ZNF236: variants seen among roughly 807,000 people sequenced by gnomAD.
ZNF236 encodes the protein regulated by glucose.
Under a neutral mutation model 191.2 loss-of-function variants are expected in ZNF236, and 50 were observed. The observed-to-expected ratio is 0.26, with a 90% CI of 0.21 to 0.33. The LOEUF (loss-of-function observed/expected upper bound fraction) is 0.33. Ranked by LOEUF, ZNF236 falls within the 10% of genes least tolerant of loss-of-function variation. ZNF236 has a pLI of 1.00. For missense variants in ZNF236, 1,754 were observed against 2,374.5 expected (o/e 0.74, Z 5.43); for synonymous variants, 907 against 928.8 (o/e 0.98, Z 0.43).
intron 2 of ZNF236, among the ~76,000 whole-genome samples, chr18:76,851,499 T>C (rs753791433): frequency 5.3e-5 from 8 of 152,342 alleles, no homozygotes; most frequent in African/African-American, 7.2e-5. Context: ...CAAACACTTA[T>C]ACTCACTGAA....
At chr18:76,928,609 A>T (rs1305841692) in intron 25 of ZNF236, among the ~76,000 whole-genome samples, 1 of 152,166 alleles carries the variant, frequency 6.6e-6, no homozygotes, top group African/African-American at 2.4e-5. Flanking sequence ...AGCCCACCTA[A>T]AACTGGCAAT....
intron 26 of ZNF236, among the ~76,000 whole-genome samples, chr18:76,944,237 G>C (rs1176699876): frequency 2.6e-5 from 4 of 152,138 alleles, no homozygotes; most frequent in African/African-American, 7.2e-5. Flanking sequence ...CTCTCTGCTG[G>C]GGCTTGGTGC....
chr18:76,960,867 G>A lies in ZNF236; in HGVS notation c.5419+12G>A. 6.2e-7 allele frequency: 1 copy of A among 1,603,790 alleles called. No individual in the cohort carries two copies. Among genetic ancestry groups the A allele is most frequent in the Non-Finnish European group, 8.5e-7 (1 of 1,173,166 alleles). On this transcript the variant is annotated intron_variant, in intron 30 of 30. Transcript: ENST00000320610. This position sits in a 1 kb window ranked among gnomAD's most constrained non-coding sequence, Gnocchi z 4.4. The stretch of plus-strand genomic sequence containing the variant: ...GCACAGCTATGCTGGTGAGAATGCT[G>A]CACCCGGGAGTGCGTGCTGTTCGGT...
intron 1 of ZNF236, among the ~76,000 whole-genome samples, chr18:76,828,608 A>C (rs1363203750): frequency 6.6e-6 from 1 of 152,240 alleles, no homozygotes; most frequent in Non-Finnish European, 1.5e-5. Flanking sequence ...GTGTCTATCC[A>C]AGGATGAAAC....
Position 76,971,330 on chromosome 18 carries a change from G to GA in ZNF236, c.*2994dup, listed in dbSNP as rs1362564634. Among the ~76,000 whole-genome samples the GA allele has an allele frequency of 7.2e-5, 11 of 152,174 alleles. No homozygotes were observed. Among genetic ancestry groups the GA allele is most frequent in the Non-Finnish European group, 8.8e-5 (6 of 68,026 alleles). On this transcript the variant is annotated 3_prime_UTR_variant, in exon 31 of 31. Coordinates refer to ENST00000320610, the MANE Select transcript of ZNF236 (RefSeq NM_001306089.2). ...CCCTTTGAAAAACTTGAGGCACTTAGAAAGTATCTAAATAGAGGAAATGCT... is the reference window on the plus strand; with the variant it reads ...CCCTTTGAAAAACTTGAGGCACTTAGAAAAGTATCTAAATAGAGGAAATGCT...
intron 1 of ZNF236, among the ~76,000 whole-genome samples, chr18:76,823,454 G>T (rs1974924530): frequency 6.6e-6 from 1 of 150,996 alleles, no homozygotes; most frequent in Admixed American, 6.6e-5. Flanking sequence ...ATTGTGATCC[G>T]GGTAGCTTGA....
chr18:76,878,237 CA>C (rs36086376), intron 7 of ZNF236, 85 bp downstream of exon 7: 1 of 1,312,946 alleles, frequency 7.6e-7, no homozygotes, highest in Non-Finnish European at 1.0e-6. Flanking sequence ...TATTTAGTAG[CA>C]AAAAGGTGCT....
At chr18:76,858,386 T>G (rs569213383) in intron 3 of ZNF236, among the ~76,000 whole-genome samples, 51 of 152,328 alleles carry the variant, frequency 3.3e-4, no homozygotes, top group Middle Eastern at 6.8e-3. Flanking sequence ...TTTGAACAAT[T>G]TTCAAGTAAT....
intron 9 of ZNF236, among the ~76,000 whole-genome samples, chr18:76,883,393 C>T (rs1218211466): frequency 7.1e-5 from 10 of 140,994 alleles, no homozygotes; most frequent in African/African-American, 2.4e-4. Flanking sequence ...TTTTAAGTGA[C>T]CTCTCTAATA....
intron 25 of ZNF236, among the ~76,000 whole-genome samples, chr18:76,935,677 GC>G (rs1297214212): frequency 2.0e-5 from 3 of 152,212 alleles, no homozygotes; most frequent in Non-Finnish European, 4.4e-5. Context: ...CCACCTGCCC[GC>G]CCGCCCCAGT....
intron 3 of ZNF236, among the ~76,000 whole-genome samples, chr18:76,862,893 C>T (rs900171328): frequency 6.6e-6 from 1 of 152,070 alleles, no homozygotes; most frequent in Non-Finnish European, 1.5e-5. Flanking sequence ...AAGGAAAGAG[C>T]GGTATCAATA....
At chr18:76,912,495 A>G (rs1037392627) in intron 17 of ZNF236, 148 bp downstream of exon 17, 2 of 566,706 alleles carry the variant, frequency 3.5e-6, no homozygotes, top group African/African-American at 1.9e-5. Flanking sequence ...CTGTAAATAA[A>G]CGATCTGAGA....
intron 13 of ZNF236, among the ~76,000 whole-genome samples, chr18:76,907,724 C>T (rs1263034468): frequency 2.8e-5 from 4 of 144,456 alleles, no homozygotes; most frequent in Admixed American, 7.0e-5. Flanking sequence ...GTTCTCAGTT[C>T]ATTGCTGAAT....
intron 20 of ZNF236, among the ~76,000 whole-genome samples, chr18:76,921,441 T>G (rs1599395915): frequency 6.6e-6 from 1 of 152,220 alleles, no homozygotes. Context: ...GATGGAAAAC[T>G]TGAGATGTTT....
At chr18:76,891,994 G>T (rs1193982552) in intron 9 of ZNF236, among the ~76,000 whole-genome samples, 1 of 152,054 alleles carries the variant, frequency 6.6e-6, no homozygotes, top group Non-Finnish European at 1.5e-5. Context: ...TTCTGCTAAA[G>T]TTCCAAAAAC....
chr18:76,830,622 A>G (rs1050030908), intron 1 of ZNF236, among the ~76,000 whole-genome samples: 3 of 152,096 alleles, frequency 2.0e-5, no homozygotes, highest in Non-Finnish European at 4.4e-5. Context: ...AACACTAATG[A>G]TAGCTGGTGG....
In ZNF236 at chr18:76,895,584, GACTGCACACAGT is replaced by G. The variant is rs1389307246; in HGVS notation, c.1690+311_1690+322del. On this transcript the variant is annotated intron_variant, in intron 10 of 30. Transcript: ENST00000320610. ...ACTGCACACGAGTACTGCCCACAGG[GACTGCACACAGT>G]ACTGCACACAGGTACTGCACACAGT... 7.9e-5 allele frequency among the ~76,000 whole-genome samples: 12 copies of G among 151,436 alleles called. No individual in the cohort carries two copies. The South Asian group carries it at 2.5e-3, about 32-fold the overall frequency.
In ZNF236 at chr18:76,851,942, A is replaced by G. The variant is rs1568195466; in HGVS notation, c.363+3A>G. ...TTATGCTACATGAAAAGGAAGAGGT[A>G]ATCATCATCATTTTGCATATACTTT... On this transcript the variant is annotated splice_donor_region_variant and intron_variant, in intron 3 of 30. Coordinates refer to ENST00000320610, the MANE Select transcript of ZNF236 (RefSeq NM_001306089.2). 1 of 1,603,782 alleles carries G rather than the reference A, an allele frequency of 6.2e-7. No homozygotes were observed. The highest frequency in any genetic ancestry group is 1.7e-5 in the Admixed American group (1 of 58,398).
chr18:76,881,549 A>T, intron 9 of ZNF236, 37 bp downstream of exon 9: 1 of 1,567,536 alleles, frequency 6.4e-7, no homozygotes, highest in Non-Finnish European at 8.7e-7. Flanking sequence ...GACATTTGGG[A>T]TAGCATATTG....
Sources: gnomAD v4.1 joint callset for allele counts (sites outside exome capture counted in the v4.1 genomes callset) on GRCh38, gnomAD v4.1.1 for gene constraint, Gnocchi (gnomAD v3.1) non-coding constraint, MANE v1.5 for transcripts, NCBI Gene and HGNC (gene_info 2026-07-23, HGNC 2026-07-21) for gene names.